The following HTR1F variants were observed in gnomAD, a reference collection of about 807,000 sequenced individuals.
HTR1F encodes 5-hydroxytryptamine receptor 1F.
Under a neutral mutation model 24.0 loss-of-function variants are expected in HTR1F, and 17 were observed. That is an observed-to-expected ratio of 0.71 (90% CI 0.48 to 1.06). The LOEUF is 1.06. Ranked by LOEUF, HTR1F falls within the 50% of genes least tolerant of loss-of-function variation. HTR1F has a pLI of 0.00. For synonymous variants in HTR1F, 186 were observed against 156.8 expected (o/e 1.19, Z -1.39); for missense variants, 391 against 427.8 (o/e 0.91, Z 0.76).
chr3:87,831,112 G>A (rs757527648), intron 2 of HTR1F, among the ~76,000 whole-genome samples: 2 of 151,792 alleles, frequency 1.3e-5, no homozygotes, highest in Non-Finnish European at 2.9e-5. Flanking sequence ...TATTTTTCTG[G>A]CTCCTGGTAG....
chr3:87,949,182 A>G (rs1398059174), intron 2 of HTR1F, among the ~76,000 whole-genome samples: 1 of 152,254 alleles, frequency 6.6e-6, no homozygotes, highest in Non-Finnish European at 1.5e-5. Context: ...ACACACAATG[A>G]TAGAAGTTAA....
chr3:87,807,015 G>T (rs1704084841), intron 1 of HTR1F, among the ~76,000 whole-genome samples: 1 of 151,900 alleles, frequency 6.6e-6, no homozygotes, highest in Non-Finnish European at 1.5e-5. Context: ...AGTACCATGC[G>T]ATCTTAGTTA....
intron 2 of HTR1F, among the ~76,000 whole-genome samples, chr3:87,902,998 A>G (rs1237672780): frequency 1.3e-5 from 2 of 151,324 alleles, no homozygotes; most frequent in Non-Finnish European, 3.0e-5. Flanking sequence ...GATCTTTGAC[A>G]AACCTGAGAA....
intron 1 of HTR1F, among the ~76,000 whole-genome samples, chr3:87,805,221 C>T (rs1369926932): frequency 2.6e-5 from 4 of 151,466 alleles, no homozygotes; most frequent in Admixed American, 2.6e-4. Context: ...TTTTACCACT[C>T]TTCTCCAAAA....
Position 87,991,087 on chromosome 3 carries a change from ATC to A in HTR1F, c.343_344del (p.Ala116TyrfsTer14). ...ACCTGCTGCACGTGCTCCATCTTGCATCTCTCAGCTATAGCTTTGGATCGGTA... is the reference window on the plus strand; with the variant it reads ...ACCTGCTGCACGTGCTCCATCTTGCATCTCAGCTATAGCTTTGGATCGGTA... On this transcript the variant is annotated frameshift_variant, in exon 3 of 3. Coordinates refer to ENST00000319595, the MANE Select transcript of HTR1F (RefSeq NM_001322209.2). LOFTEE classifies it high-confidence loss of function. 1 of 1,613,986 alleles carries A rather than the reference ATC, an allele frequency of 6.2e-7. No homozygotes were observed.
At chr3:87,816,006 AT>A (rs1477357724) in intron 1 of HTR1F, among the ~76,000 whole-genome samples, 1 of 152,090 alleles carries the variant, frequency 6.6e-6, no homozygotes, top group African/African-American at 2.4e-5. Context: ...GTTTAGATTC[AT>A]TTTTCAGTTT....
chr3:87,904,114 A>C (rs1156395800), intron 2 of HTR1F, among the ~76,000 whole-genome samples: 1 of 152,118 alleles, frequency 6.6e-6, no homozygotes, highest in Non-Finnish European at 1.5e-5. Flanking sequence ...ATAAGCATAA[A>C]AAAACGTTTA....
chr3:87,882,793 C>A (rs1380721169), intron 2 of HTR1F, among the ~76,000 whole-genome samples: 1 of 151,726 alleles, frequency 6.6e-6, no homozygotes, highest in East Asian at 1.9e-4. Flanking sequence ...CAGCATGGCA[C>A]ATGTATACAT....
intron 2 of HTR1F, among the ~76,000 whole-genome samples, chr3:87,863,155 A>C (rs1258256455): frequency 6.6e-6 from 1 of 152,142 alleles, no homozygotes; most frequent in East Asian, 1.9e-4. Context: ...ATATGAATGA[A>C]TTTTATGACC....
Position 87,990,893 on chromosome 3 carries a change from T to G in HTR1F, c.144T>G (p.Ile48Met). 6.2e-7 allele frequency: 1 copy of G among 1,614,172 alleles called. No individual in the cohort carries two copies. Among genetic ancestry groups the G allele is most frequent in the Non-Finnish European group, 8.5e-7 (1 of 1,180,026 alleles). Residue 48 changes from isoleucine (I) to methionine (M), a missense_variant, in exon 3 of 3, where the codon ATT (isoleucine) becomes ATG (methionine). Coordinates refer to ENST00000319595, the MANE Select transcript of HTR1F (RefSeq NM_001322209.2). ...TTINSLVIAA[I>M]IVTRKLHHPA... ...TCAACTCCCTTGTGATCGCTGCAAT[T>G]ATTGTGACCCGGAAGCTGCACCATC...
At position 87,852,499 on chromosome 3, in the gene HTR1F, T is replaced by G. The variant is rs140795682; in HGVS notation, c.-43+30375T>G. 1.7e-3 allele frequency among the ~76,000 whole-genome samples: 263 copies of G among 151,972 alleles called. 2 individuals are homozygous for G. In the East Asian group the frequency reaches 0.018, roughly 10 times the overall value. ...ATAATACCCAGATATATTTATCAAA[T>G]AAATCACATTTTCTCCTACCAAATT... On this transcript the variant is annotated intron_variant, in intron 2 of 2. Transcript: ENST00000319595.
intron 1 of HTR1F, among the ~76,000 whole-genome samples, chr3:87,805,617 T>A (rs1214629181): frequency 6.6e-6 from 1 of 152,120 alleles, no homozygotes; most frequent in Non-Finnish European, 1.5e-5. Context: ...TGGGTATTTA[T>A]CATTTCCATG....
chr3:87,812,442 A>C (rs199790537), intron 1 of HTR1F, among the ~76,000 whole-genome samples: 1 of 32 alleles, frequency 0.031, no homozygotes. Context: ...TGCCCTAGGG[A>C]ATCTGTGGAA....
intron 2 of HTR1F, among the ~76,000 whole-genome samples, chr3:87,875,923 C>CA (rs35699795): frequency 0.083 from 7,188 of 86,408 alleles, 253 homozygotes; most frequent in Middle Eastern, 0.16. Context: ...GGCTCCGTCT[C>CA]AAAAAAAAAA....
At chr3:87,798,491 C>T (rs1300244766) in intron 1 of HTR1F, among the ~76,000 whole-genome samples, 12 of 152,040 alleles carry the variant, frequency 7.9e-5, no homozygotes, top group African/African-American at 2.7e-4. Context: ...TCCCATCCAT[C>T]CATAAAACCA....
intron 2 of HTR1F, among the ~76,000 whole-genome samples, chr3:87,899,109 T>C (rs185013642): frequency 6.6e-6 from 1 of 152,340 alleles, no homozygotes; most frequent in East Asian, 1.9e-4. Context: ...TTCAGCCTTA[T>C]GAATTTTTCA....
chr3:87,915,477 A>C (rs1020405003), intron 2 of HTR1F, among the ~76,000 whole-genome samples: 2 of 152,174 alleles, frequency 1.3e-5, no homozygotes, highest in Non-Finnish European at 2.9e-5. Context: ...TGAAGGGAGA[A>C]ATATTCAAAG....
At chr3:87,969,688 G>A (rs1049996083) in intron 2 of HTR1F, among the ~76,000 whole-genome samples, 10 of 152,316 alleles carry the variant, frequency 6.6e-5, no homozygotes, top group Admixed American at 6.5e-4. Context: ...ATGCTGAAAT[G>A]AGTTAAGATT....
chr3:87,862,743 T>C (rs558118414), intron 2 of HTR1F, among the ~76,000 whole-genome samples: 1 of 152,270 alleles, frequency 6.6e-6, no homozygotes, highest in South Asian at 2.1e-4. Flanking sequence ...TAATGGATCA[T>C]TTTTCTTTAA....
Sources: gnomAD v4.1 joint callset for allele counts (sites outside exome capture counted in the v4.1 genomes callset) on GRCh38, gnomAD v4.1.1 for gene constraint, MANE v1.5 for transcripts, NCBI Gene and HGNC (gene_info 2026-07-23, HGNC 2026-07-21) for gene names.